Variants in OLFML1 observed in about 807,000 individuals in gnomAD.
OLFML1 encodes the protein olfactomedin-like protein 1.
A neutral mutation model predicts 37.3 loss-of-function variants in OLFML1; 33 were observed. The observed-to-expected ratio is 0.88, with a 90% CI of 0.67 to 1.18. The LOEUF (loss-of-function observed/expected upper bound fraction) is 1.18. Ranked by LOEUF, OLFML1 falls within the 50% of genes most tolerant of loss-of-function variation. The probability of loss-of-function intolerance (pLI) is 0.00; values close to 1 mark genes in which losing one functional copy is unlikely to be tolerated. For synonymous variants in OLFML1, 186 were observed against 181.3 expected (o/e 1.03, Z -0.21); for missense variants, 545 against 483.7 (o/e 1.13, Z -1.19).
At chr11:7,495,892 T>C (rs1210589530) in intron 2 of OLFML1, among the ~76,000 whole-genome samples, 2 of 152,184 alleles carry the variant, frequency 1.3e-5, no homozygotes, top group African/African-American at 4.8e-5. Context: ...TACAGAAGTA[T>C]GCACCACCCC....
At chr11:7,494,255 G>GT (rs1454430829) in intron 2 of OLFML1, among the ~76,000 whole-genome samples, 1 of 152,250 alleles carries the variant, frequency 6.6e-6, no homozygotes, top group African/African-American at 2.4e-5. Context: ...GAGAGGTGAT[G>GT]AAAGAACCAG....
At chr11:7,501,820 T>G (rs1384566818) in intron 2 of OLFML1, among the ~76,000 whole-genome samples, 3 of 152,216 alleles carry the variant, frequency 2.0e-5, no homozygotes, top group Non-Finnish European at 4.4e-5. Context: ...AATATCTGCT[T>G]AAATGAGACT....
intron 2 of OLFML1, among the ~76,000 whole-genome samples, chr11:7,494,317 G>T (rs1241819217): frequency 6.6e-6 from 1 of 152,156 alleles, no homozygotes; most frequent in Non-Finnish European, 1.5e-5. Flanking sequence ...CAAGCTGTAG[G>T]GAATCAGAAT....
chr11:7,488,390 A>G lies in OLFML1; in HGVS notation c.393A>G (p.Lys131=). 2 of 1,613,858 alleles carry G rather than the reference A, an allele frequency of 1.2e-6. No individual in the cohort carries two copies. The highest frequency in any genetic ancestry group is 1.7e-6 in the Non-Finnish European group (2 of 1,179,888). ...EMLLQEAEEE[K]KIRTLLNASC... ...TGCTCCAAGAAGCTGAAGAAGAGAA[A>G]AAGATCCGGACTCTGCTGAATGCAA... Residue 131 remains lysine (K), a synonymous_variant, in exon 2 of 3, where the codon AAA becomes AAG. Transcript: ENST00000329293.
chr11:7,490,621 C>G (rs1423737769), intron 2 of OLFML1, among the ~76,000 whole-genome samples: 2 of 152,174 alleles, frequency 1.3e-5, no homozygotes, highest in East Asian at 3.9e-4. Context: ...TGAAATATCC[C>G]CTCTCCTAGC....
chr11:7,498,992 CA>C (rs375004170), intron 2 of OLFML1, among the ~76,000 whole-genome samples: 33 of 152,342 alleles, frequency 2.2e-4, no homozygotes, highest in African/African-American at 7.2e-4. Flanking sequence ...CATTCTCCAC[CA>C]GCAGCCAGAC....
At position 7,485,874 on chromosome 11, in the gene OLFML1, GGAT is replaced by G. The variant is rs1242417125; in HGVS notation, c.4_6del (p.Met2?). ...AGACTGCCCTGCTTGGTGTTTTGCA[GGAT>G]GATGGTGGCCCTTCGAGGAGCTTCT... On this transcript the variant is annotated start_lost and 5_prime_UTR_variant, in exon 1 of 3. Coordinates refer to ENST00000329293, the MANE Select transcript of OLFML1 (RefSeq NM_198474.4). The G allele has an allele frequency of 6.2e-7, 1 of 1,613,026 alleles. No individual in the cohort carries two copies. The highest frequency in any genetic ancestry group is 8.5e-7 in the Non-Finnish European group (1 of 1,179,834).
chr11:7,498,944 A>G (rs1848691225), intron 2 of OLFML1, among the ~76,000 whole-genome samples: 1 of 152,110 alleles, frequency 6.6e-6, no homozygotes, highest in Non-Finnish European at 1.5e-5. Flanking sequence ...TTACAAACTC[A>G]TTACCTGGTT....
intron 2 of OLFML1, among the ~76,000 whole-genome samples, chr11:7,500,841 C>T (rs1848714680): frequency 6.6e-6 from 1 of 150,694 alleles, no homozygotes; most frequent in Non-Finnish European, 1.5e-5. Flanking sequence ...TTGAGACCAG[C>T]CTGGTGAATG....
At chr11:7,505,812 T>C (rs1263662368) in intron 2 of OLFML1, among the ~76,000 whole-genome samples, 2 of 149,522 alleles carry the variant, frequency 1.3e-5, no homozygotes, top group Non-Finnish European at 3.0e-5. Flanking sequence ...GCCTGTCTAA[T>C]AGAGTAAAAA....
At chr11:7,499,171 G>C (rs910105906) in intron 2 of OLFML1, among the ~76,000 whole-genome samples, 1 of 152,242 alleles carries the variant, frequency 6.6e-6, no homozygotes. Flanking sequence ...TCAAATAAGT[G>C]ATACTTGTGT....
intron 2 of OLFML1, among the ~76,000 whole-genome samples, chr11:7,499,445 A>G (rs1413211590): frequency 2.6e-5 from 4 of 152,236 alleles, no homozygotes; most frequent in Non-Finnish European, 5.9e-5. Context: ...TTACTTGAAC[A>G]CTGTAAATAT....
chr11:7,502,433 A>G (rs1848733973), intron 2 of OLFML1, among the ~76,000 whole-genome samples: 1 of 136,622 alleles, frequency 7.3e-6, no homozygotes. Flanking sequence ...TATGGAGAAC[A>G]TACTAACTAT....
At chr11:7,492,157 A>C (rs1413900397) in intron 2 of OLFML1, among the ~76,000 whole-genome samples, 1 of 152,142 alleles carries the variant, frequency 6.6e-6, no homozygotes, top group Non-Finnish European at 1.5e-5. Context: ...TGCCTATCAC[A>C]ATGCTTTAGT....
chr11:7,504,205 T>C (rs1848755412), intron 2 of OLFML1, among the ~76,000 whole-genome samples: 1 of 151,976 alleles, frequency 6.6e-6, no homozygotes, highest in South Asian at 2.1e-4. Flanking sequence ...TAGATATTTG[T>C]TTCCAAGCAG....
intron 2 of OLFML1, among the ~76,000 whole-genome samples, chr11:7,498,888 C>A (rs1272139903): frequency 1.3e-5 from 2 of 152,144 alleles, no homozygotes; most frequent in African/African-American, 4.8e-5. Context: ...CCTTTTCTAG[C>A]TGCTTATATC....
Position 7,485,845 on chromosome 11 carries a change from TAA to T in OLFML1, c.-30_-29del, listed in dbSNP as rs750206910. 6.2e-6 allele frequency: 10 copies of T among 1,609,710 alleles called. No individual in the cohort carries two copies. The highest frequency in any genetic ancestry group is 8.5e-6 in the Non-Finnish European group (10 of 1,178,284). On this transcript the variant is annotated 5_prime_UTR_variant, in exon 1 of 3. In the 5' UTR this introduces an upstream ATG that the reference lacks. Coordinates refer to ENST00000329293, the MANE Select transcript of OLFML1 (RefSeq NM_198474.4). ...GACATCCTTGAGAAGAGCCACAGCA[TAA>T]GAGACTGCCCTGCTTGGTGTTTTGC...
In OLFML1 at chr11:7,485,943, C is replaced by T. The variant is rs80215761; in HGVS notation, c.68C>T (p.Pro23Leu). ...TTCCTTGCAGCTTTTCTGCCCCCGC[C>T]GCAGTGTACCCAGGACCCAGCCATG... ...VLFLAAFLPP[P>L]QCTQDPAMVH... The change falls in exon 1 of 3, where the codon CCG becomes CTG. Residue 23 changes from proline (P) to leucine (L), a missense_variant. Pro to Leu is a moderately conservative substitution (Grantham distance 98, BLOSUM62 -3). Transcript: ENST00000329293. 49,767 of 1,611,520 alleles carry T rather than the reference C, an allele frequency of 0.031. 937 individuals carry two copies. The highest frequency in any genetic ancestry group is 0.037 in the Non-Finnish European group (43,170 of 1,178,068).
chr11:7,503,161 T>C (rs1426029166), intron 2 of OLFML1, among the ~76,000 whole-genome samples: 2 of 152,106 alleles, frequency 1.3e-5, no homozygotes, highest in African/African-American at 2.4e-5. Flanking sequence ...GATATCCAGA[T>C]AGGGGCTGAA....
Sources: allele counts gnomAD v4.1 joint callset (sites outside exome capture counted in the v4.1 genomes callset), GRCh38; gene constraint gnomAD v4.1.1; transcripts MANE v1.5; gene names NCBI Gene and HGNC (gene_info 2026-07-23, HGNC 2026-07-21).